Variants in ADAMTS6 observed in about 807,000 individuals in gnomAD.
ADAMTS6 encodes ADAM metallopeptidase with thrombospondin type 1 motif 6, also known as A disintegrin and metalloproteinase with thrombospondin motifs 6.
In ADAMTS6, 23 loss-of-function variants were observed where a neutral mutation model predicts 144.3. The observed-to-expected ratio is 0.16, with a 90% CI of 0.11 to 0.23. The LOEUF is 0.23. Ranked by LOEUF, ADAMTS6 falls within the 10% of genes least tolerant of loss-of-function variation. ADAMTS6 has a pLI of 1.00. For missense variants in ADAMTS6, 999 were observed against 1,379.6 expected (o/e 0.72, Z 4.37); for synonymous variants, 444 against 457.5 (o/e 0.97, Z 0.38).
intron 7 of ADAMTS6, among the ~76,000 whole-genome samples, chr5:65,373,306 A>C (rs1751165046): frequency 6.6e-6 from 1 of 151,760 alleles, no homozygotes; most frequent in Admixed American, 6.6e-5. Context: ...TCAAAAAATC[A>C]ATGAATCCAG....
chr5:65,372,338 C>T (rs2150121974), intron 7 of ADAMTS6, among the ~76,000 whole-genome samples: 1 of 152,040 alleles, frequency 6.6e-6, no homozygotes, highest in African/African-American at 2.4e-5. Context: ...CAAGACCCAT[C>T]AGTGTGCTGT....
At chr5:65,377,216 T>C (rs1751647433) in intron 7 of ADAMTS6, among the ~76,000 whole-genome samples, 1 of 152,238 alleles carries the variant, frequency 6.6e-6, no homozygotes, top group South Asian at 2.1e-4. Flanking sequence ...TCCATTTTTA[T>C]ATTTCCTCTT....
At chr5:65,302,578 GTGGAGTAAGTCTCTT>G (rs1366543901) in intron 9 of ADAMTS6, among the ~76,000 whole-genome samples, 2 of 151,878 alleles carry the variant, frequency 1.3e-5, no homozygotes, top group Non-Finnish European at 2.9e-5. Context: ...CCTCAACACA[GTGGAGTAAGTCTCTT>G]TGAATGGTCT....
chr5:65,370,788 C>A (rs1750808536), intron 7 of ADAMTS6, among the ~76,000 whole-genome samples: 1 of 152,228 alleles, frequency 6.6e-6, no homozygotes, highest in Admixed American at 6.5e-5. Flanking sequence ...TCAAGGAGGC[C>A]TGCCTGCCTC....
intron 21 of ADAMTS6, among the ~76,000 whole-genome samples, chr5:65,189,130 G>A (rs1196446737): frequency 6.6e-6 from 1 of 152,112 alleles, no homozygotes; most frequent in African/African-American, 2.4e-5. Flanking sequence ...AAATGCAAAT[G>A]TCTTAGAAAA....
chr5:65,239,683 C>T (rs1758999416), intron 15 of ADAMTS6, among the ~76,000 whole-genome samples: 1 of 152,016 alleles, frequency 6.6e-6, no homozygotes, highest in Non-Finnish European at 1.5e-5. Flanking sequence ...GAAGGTAAAA[C>T]AACCCAATTA....
At chr5:65,321,262 T>C (rs554568239) in intron 9 of ADAMTS6, among the ~76,000 whole-genome samples, 3 of 152,346 alleles carry the variant, frequency 2.0e-5, no homozygotes, top group East Asian at 1.9e-4. Context: ...TGAGGTGTTA[T>C]CTCACTGTGG....
At chr5:65,201,515 G>A (rs1755736269) in intron 20 of ADAMTS6, among the ~76,000 whole-genome samples, 1 of 152,136 alleles carries the variant, frequency 6.6e-6, no homozygotes, top group Non-Finnish European at 1.5e-5. Flanking sequence ...AGAAGGATGG[G>A]TCGGGGGTGG....
chr5:65,416,710 A>G (rs765582987), intron 7 of ADAMTS6, among the ~76,000 whole-genome samples: 11 of 150,422 alleles, frequency 7.3e-5, no homozygotes, highest in Non-Finnish European at 1.3e-4. Flanking sequence ...AGCTCACACC[A>G]CTGCACTCCA....
chr5:65,344,686 T>C (rs1748155445), intron 7 of ADAMTS6, among the ~76,000 whole-genome samples: 1 of 151,846 alleles, frequency 6.6e-6, no homozygotes, highest in Non-Finnish European at 1.5e-5. Flanking sequence ...TTAAGGATTA[T>C]CATTTATATT....
At chr5:65,386,030 C>G (rs1400815689) in intron 7 of ADAMTS6, among the ~76,000 whole-genome samples, 2 of 152,090 alleles carry the variant, frequency 1.3e-5, no homozygotes, top group Non-Finnish European at 2.9e-5. Flanking sequence ...ATCCCTCCAG[C>G]CTATTATTGA....
intron 7 of ADAMTS6, among the ~76,000 whole-genome samples, chr5:65,414,367 G>A (rs1755319080): frequency 6.6e-6 from 1 of 151,738 alleles, no homozygotes. Flanking sequence ...ATAAATTTGT[G>A]TGCTTTTCAC....
intron 7 of ADAMTS6, among the ~76,000 whole-genome samples, chr5:65,374,223 A>G (rs193064121): frequency 0.016 from 2,452 of 151,906 alleles, 32 homozygotes; most frequent in East Asian, 0.081. Flanking sequence ...CTCTCTCACC[A>G]CTCCTATTCA....
At chr5:65,341,636 AG>A (rs1278910439) in intron 7 of ADAMTS6, among the ~76,000 whole-genome samples, 1 of 152,128 alleles carries the variant, frequency 6.6e-6, no homozygotes, top group African/African-American at 2.4e-5. Flanking sequence ...CAACTTACTA[AG>A]GTTGACCAAA....
intron 7 of ADAMTS6, among the ~76,000 whole-genome samples, chr5:65,448,654 C>T (rs904129139): frequency 6.6e-6 from 1 of 152,012 alleles, no homozygotes; most frequent in African/African-American, 2.4e-5. Flanking sequence ...CAGGGTTTCA[C>T]CGTGTTAGCC....
At chr5:65,241,321 C>T (rs1759167541) in intron 15 of ADAMTS6, among the ~76,000 whole-genome samples, 1 of 150,130 alleles carries the variant, frequency 6.7e-6, no homozygotes, top group Non-Finnish European at 1.5e-5. Flanking sequence ...ACCTCCGCCT[C>T]CTGGGTTCAA....
chr5:65,222,038 G>A (rs1289471636), intron 18 of ADAMTS6, among the ~76,000 whole-genome samples: 1 of 152,138 alleles, frequency 6.6e-6, no homozygotes, highest in Non-Finnish European at 1.5e-5. Context: ...GTATTTTTAA[G>A]ATGTCAATTC....
intron 7 of ADAMTS6, among the ~76,000 whole-genome samples, chr5:65,385,575 C>A (rs6898117): frequency 1.4e-4 from 21 of 152,104 alleles, no homozygotes; most frequent in African/African-American, 5.1e-4. Context: ...TAAAAATTAT[C>A]ATCATTTTTT....
At chr5:65,159,185 A>C (rs1167736751) in intron 24 of ADAMTS6, among the ~76,000 whole-genome samples, 1 of 151,882 alleles carries the variant, frequency 6.6e-6, no homozygotes, top group Non-Finnish European at 1.5e-5. Flanking sequence ...TTTAATCCCT[A>C]CAATATCTGC....
Sources: allele counts gnomAD v4.1 joint callset (sites outside exome capture counted in the v4.1 genomes callset), GRCh38; gene constraint gnomAD v4.1.1; transcripts MANE v1.5; gene names NCBI Gene and HGNC (gene_info 2026-07-23, HGNC 2026-07-21).